Variants in PBX1 observed in about 807,000 individuals in gnomAD.
The protein encoded by PBX1 is PBX homeobox 1, also known as pre-B-cell leukemia transcription factor 1.
In PBX1, 6 loss-of-function variants were observed where a neutral mutation model predicts 53.4. The ratio of observed to expected loss-of-function variants is 0.11; its 90% CI spans 0.06 to 0.22. The LOEUF (loss-of-function observed/expected upper bound fraction) is 0.22, where lower values mean the gene tolerates loss of function less well. Ranked by LOEUF, PBX1 falls within the 10% of genes least tolerant of loss-of-function variation. PBX1 has a pLI of 1.00. For synonymous variants in PBX1, 204 were observed against 212.3 expected (o/e 0.96, Z 0.34); for missense variants, 251 against 551.4 (o/e 0.46, Z 5.46).
chr1:164,629,139 C>T (rs1247522978), intron 2 of PBX1, among the ~76,000 whole-genome samples: 1 of 152,030 alleles, frequency 6.6e-6, no homozygotes, highest in Non-Finnish European at 1.5e-5. Flanking sequence ...GTTTATTAGA[C>T]TGCCATGTCT....
intron 3 of PBX1, among the ~76,000 whole-genome samples, chr1:164,797,340 C>T (rs934840672): frequency 3.2e-4 from 49 of 152,232 alleles, no homozygotes; most frequent in African/African-American, 1.1e-3. Context: ...TGCAGCCCGG[C>T]GGGAGGTTGT....
chr1:164,771,062 C>T (rs1431376961), intron 2 of PBX1: 3 of 152,120 alleles, frequency 2.0e-5, no homozygotes, highest in African/African-American at 4.8e-5. Flanking sequence ...TCCCTAAAAA[C>T]CTTGAAGATA....
At chr1:164,698,585 G>C (rs1428487891) in intron 2 of PBX1, among the ~76,000 whole-genome samples, 3 of 152,078 alleles carry the variant, frequency 2.0e-5, no homozygotes, top group Non-Finnish European at 4.4e-5. Flanking sequence ...AAGTAGCTGA[G>C]AGCCAGGATG....
rs545618529 is a variant in PBX1, at chr1:164,861,183, G to A, written n.257+29700G>A. The stretch of plus-strand genomic sequence containing the variant: ...ATATGTCGCCTCCTTTCTCCCTAAA[G>A]GGAGATCTCAGGATCTCGGTAGTTA... On this transcript the variant is annotated intron_variant and non_coding_transcript_variant, in intron 2 of 2. Coordinates refer to the PBX1 transcript ENST00000558796. Among the ~76,000 whole-genome samples, 7 of 152,240 alleles carry A rather than the reference G, an allele frequency of 4.6e-5. No individual in the cohort carries two copies. The East Asian group carries it at 5.8e-4, about 13-fold the overall frequency.
intron 2 of PBX1, among the ~76,000 whole-genome samples, chr1:164,766,982 C>A (rs1458652858): frequency 1.6e-4 from 24 of 151,210 alleles, no homozygotes; most frequent in Non-Finnish European, 2.9e-4. Context: ...CCCGCCTCAG[C>A]CTCCCAAAGT....
intron 2 of PBX1, chr1:164,787,723 A>T (rs1431846128): frequency 1.3e-5 from 2 of 152,204 alleles, no homozygotes; most frequent in Non-Finnish European, 2.9e-5. Flanking sequence ...TTTACCAAAG[A>T]ATTAACCCCA....
chr1:164,669,435 A>G (rs540616543), intron 2 of PBX1, among the ~76,000 whole-genome samples: 1 of 152,328 alleles, frequency 6.6e-6, no homozygotes, highest in African/African-American at 2.4e-5. Context: ...CACAGAGGAC[A>G]TGGGGTGGGG....
Position 164,820,171 on chromosome 1 carries a change from A to G in PBX1, c.1097A>G (p.Asn366Ser). 2.5e-6 allele frequency: 4 copies of G among 1,606,300 alleles called. No individual in the cohort carries two copies. The South Asian group carries it at 3.3e-5, about 13-fold the overall frequency. ...TACCAAGGGGCCCAGGTTGGAGCCA[A>G]CGTGCAATCACAGGTAGGGACCCAG... ...DSYQGAQVGA[N>S]VQSQVDTLRH... Residue 366 changes from asparagine (N) to serine (S), a missense_variant, in exon 7 of 9, where the codon AAC becomes AGC. Coordinates refer to ENST00000420696, the MANE Select transcript of PBX1 (RefSeq NM_002585.4).
rs1367917876 is a variant in PBX1 at position 164,850,914 on chromosome 1, T to C, written c.*4238T>C. The C allele has an allele frequency of 4.7e-6, 1 of 213,650 alleles. No individual in the cohort carries two copies. Among genetic ancestry groups the C allele is most frequent in the Non-Finnish European group, 9.5e-6 (1 of 105,590 alleles). The allele number at this position is 213,650 out of a possible 1,614,324, so 13.2% of individuals were successfully genotyped here. On this transcript the variant is annotated 3_prime_UTR_variant, in exon 9 of 9. Coordinates refer to ENST00000420696, the MANE Select transcript of PBX1 (RefSeq NM_002585.4). ...ATTAATAACTACATTCCATGAGGCC[T>C]CTTCCAACCAAAGAGGCCTTTTCTT... is the stretch of plus-strand genomic sequence containing the variant.
At chr1:164,853,910 C>T (rs769986258), downstream of PBX1, among the ~76,000 whole-genome samples, 36 of 151,010 alleles carry the variant, frequency 2.4e-4, no homozygotes, top group Non-Finnish European at 4.7e-4. Context: ...CACCAAATCC[C>T]CATTTTATTT....
intron 5 of PBX1, among the ~76,000 whole-genome samples, chr1:164,808,362 G>A (rs565456110): frequency 2.6e-5 from 4 of 152,252 alleles, no homozygotes; most frequent in South Asian, 2.1e-4. Flanking sequence ...TTATGTGTAC[G>A]TGTATTTTGT....
At chr1:164,666,106 T>A (rs1660791806) in intron 2 of PBX1, among the ~76,000 whole-genome samples, 1 of 152,208 alleles carries the variant, frequency 6.6e-6, no homozygotes, top group Non-Finnish European at 1.5e-5. Context: ...ATACGGGATG[T>A]GACTCCTGGG....
At chr1:164,721,117 T>A (rs537900003) in intron 2 of PBX1, among the ~76,000 whole-genome samples, 2 of 152,244 alleles carry the variant, frequency 1.3e-5, no homozygotes, top group African/African-American at 4.8e-5. Context: ...ATCCTGCGAG[T>A]CTGTAAGCAT....
chr1:164,763,103 A>T (rs553963243), intron 2 of PBX1, among the ~76,000 whole-genome samples: 1 of 152,344 alleles, frequency 6.6e-6, no homozygotes, highest in Admixed American at 6.5e-5. Flanking sequence ...ATCACAATTC[A>T]AGTCCAATGT....
chr1:164,702,189 G>T (rs1018716324), intron 2 of PBX1, among the ~76,000 whole-genome samples: 1 of 149,968 alleles, frequency 6.7e-6, no homozygotes, highest in Admixed American at 6.7e-5. Context: ...CCACGATGAG[G>T]TTTTTTTTTT....
In PBX1 at chr1:164,610,511, AGGCACTGGGG is replaced by A. The variant is rs1448883934; in HGVS notation, c.265+47202_265+47211del. Among the ~76,000 whole-genome samples the A allele has an allele frequency of 3.3e-5, 5 of 152,114 alleles. 1 individual carries two copies. In the South Asian group the frequency reaches 1.0e-3, roughly 32 times the overall value. ...TAATTGTTAGTGAATTAAGCCAGGA[AGGCACTGGGG>A]GTGGCTGGGGAGATCCTTTGTAAGA... On this transcript the variant is annotated intron_variant, in intron 2 of 8. Transcript: ENST00000420696.
intron 8 of PBX1, among the ~76,000 whole-genome samples, chr1:164,839,262 G>A (rs938724592): frequency 6.6e-6 from 1 of 152,110 alleles, no homozygotes; most frequent in African/African-American, 2.4e-5. Context: ...TCAATTTCCT[G>A]CAAAACAGTA....
chr1:164,574,060 G>A (rs1231238969), intron 2 of PBX1, among the ~76,000 whole-genome samples: 2 of 152,212 alleles, frequency 1.3e-5, no homozygotes, highest in African/African-American at 2.4e-5. Context: ...TTTTCTGGAA[G>A]AGAACGTCCA....
chr1:164,798,442 T>C lies in PBX1; in HGVS notation c.511-1257T>C, dbSNP rs114993437. Among the ~76,000 whole-genome samples the C allele has an allele frequency of 9.4e-3, 1,429 of 152,332 alleles. 26 individuals are homozygous for C. The highest frequency in any genetic ancestry group is 0.033 in the African/African-American group (1,355 of 41,570). On this transcript the variant is annotated intron_variant, in intron 3 of 8. Coordinates refer to ENST00000420696, the MANE Select transcript of PBX1 (RefSeq NM_002585.4). ...TGTGAATAGATGTTTTGTTGAATGCTCAGCTAAGGAAACCAGATTATGGAT... is the reference window on the plus strand; with the variant it reads ...TGTGAATAGATGTTTTGTTGAATGCCCAGCTAAGGAAACCAGATTATGGAT...
Sources: gnomAD v4.1 joint callset for allele counts (sites outside exome capture counted in the v4.1 genomes callset) on GRCh38, gnomAD v4.1.1 for gene constraint, MANE v1.5 for transcripts, NCBI Gene and HGNC (gene_info 2026-07-23, HGNC 2026-07-21) for gene names.